USP7: variants seen among roughly 807,000 people sequenced by gnomAD.
USP7 encodes the protein ubiquitin C-terminal hydrolase 7.
Under a neutral mutation model 162.9 loss-of-function variants are expected in USP7, and 9 were observed. The observed-to-expected ratio is 0.06, with a 90% CI of 0.03 to 0.10. The LOEUF is 0.10. Ranked by LOEUF, USP7 falls within the 10% of genes least tolerant of loss-of-function variation. The pLI is 1.00. For synonymous variants in USP7, 562 were observed against 475.9 expected, an observed-to-expected ratio of 1.18 and a Z score of -2.35; for missense variants, 715 against 1,373.7, an observed-to-expected ratio of 0.52 and a Z score of 7.58.
chr16:8,898,490 T>G (rs1234849083), intron 24 of USP7, 41 bp downstream of exon 24: 2 of 1,604,626 alleles, frequency 1.2e-6, no homozygotes, highest in Admixed American at 3.4e-5. Context: ...ACCCCGAGCC[T>G]TCTCTTTATG....
chr16:8,906,370 G>A, intron 13 of USP7, 56 bp downstream of exon 13: 1 of 1,581,832 alleles, frequency 6.3e-7, no homozygotes, highest in Non-Finnish European at 8.6e-7. Context: ...GGCTGAAGCA[G>A]AGCTTGTGTT....
In USP7 at chr16:8,902,416, C is replaced by T. The variant is rs1179569842; in HGVS notation, c.1906G>A (p.Ala636Thr). Residue 636 changes from alanine to threonine, a missense_variant, in exon 17 of 31, where the codon GCA becomes ACA. Ala to Thr is a moderately conservative substitution (Grantham distance 58). Transcript: ENST00000344836. ...QARSNGTKRP[A>T]MLDNEADGNK... The stretch of plus-strand genomic sequence containing the variant: ...CCGTCGGCTTCATTATCTAACATTG[C>T]TGGTCGTTTTGTTCCATTACTCCTT... 1.9e-6 allele frequency: 3 copies of T among 1,614,060 alleles called. No homozygotes were observed. The highest frequency in any genetic ancestry group is 1.6e-4 in the Middle Eastern group (1 of 6,062).
chr16:8,938,558 A>T (rs1462007165), intron 1 of USP7, among the ~76,000 whole-genome samples: 1 of 151,868 alleles, frequency 6.6e-6, no homozygotes, highest in African/African-American at 2.4e-5. Context: ...TGAAAATACA[A>T]AAACTTAGCT....
intron 16 of USP7, 80 bp from the exon 17 acceptor site, chr16:8,902,562 T>C (rs975203543): frequency 4.7e-6 from 5 of 1,060,500 alleles, no homozygotes; most frequent in Admixed American, 4.7e-5. Flanking sequence ...CATATGTATA[T>C]ACATATACAT....
intron 1 of USP7, among the ~76,000 whole-genome samples, chr16:8,944,047 G>A (rs8049394): frequency 0.33 from 50,493 of 151,874 alleles, 10,216 homozygotes; most frequent in African/African-American, 0.57. Flanking sequence ...CCCCGTCTCT[G>A]AAATTAAAAA....
chr16:8,926,962 T>TA (rs779075201), intron 2 of USP7, among the ~76,000 whole-genome samples: 3 of 152,184 alleles, frequency 2.0e-5, no homozygotes, highest in African/African-American at 4.8e-5. Flanking sequence ...TGCACTTTGT[T>TA]ACAGCAATTT....
rs150019824 is a variant in USP7, at chr16:8,944,018, T to G, written c.80-13621A>C. ...AGTATACAGGAGTTCAAGACCAGCC[T>G]GGGCAAACATAGGGAGACCCCCGTC... On this transcript the variant is annotated intron_variant, in intron 1 of 30. Transcript: ENST00000344836. 8.3e-3 allele frequency among the ~76,000 whole-genome samples: 1,260 copies of G among 152,238 alleles called. 21 individuals carry two copies. The highest frequency in any genetic ancestry group is 0.028 in the African/African-American group (1,150 of 41,550).
intron 15 of USP7, 77 bp downstream of exon 15, chr16:8,904,358 G>T: frequency 1.9e-6 from 3 of 1,575,728 alleles, no homozygotes; most frequent in Middle Eastern, 2.3e-4. Context: ...GAGGGGTGGG[G>T]GCTGACCTGC....
At chr16:8,921,856 A>ACCATACATAC (rs1156347013) in intron 3 of USP7, among the ~76,000 whole-genome samples, 1 of 152,214 alleles carries the variant, frequency 6.6e-6, no homozygotes, top group East Asian at 1.9e-4. Context: ...AGGTTCAAAA[A>ACCATACATAC]CCATACATAC....
intron 1 of USP7, among the ~76,000 whole-genome samples, chr16:8,945,097 A>C (rs537347148): frequency 2.6e-5 from 4 of 152,312 alleles, no homozygotes; most frequent in Admixed American, 2.6e-4. Flanking sequence ...ACTAAATAAA[A>C]ATACAGAAAT....
chr16:8,928,835 A>G (rs562643211), intron 2 of USP7, among the ~76,000 whole-genome samples: 1 of 152,220 alleles, frequency 6.6e-6, no homozygotes, highest in East Asian at 1.9e-4. Context: ...AAGGAAGGGG[A>G]CTTTACCCAT....
At chr16:8,951,524 A>C (rs1467602110) in intron 1 of USP7, among the ~76,000 whole-genome samples, 1 of 152,126 alleles carries the variant, frequency 6.6e-6, no homozygotes, top group East Asian at 1.9e-4. Context: ...GCTTGGAGAG[A>C]GCCCCTGGAT....
chr16:8,912,194 G>A (rs1204628862), intron 10 of USP7, among the ~76,000 whole-genome samples: 1 of 152,200 alleles, frequency 6.6e-6, no homozygotes, highest in African/African-American at 2.4e-5. Context: ...GCTCACGCCT[G>A]TAATCCCAGC....
chr16:8,946,245 C>T (rs1899269797), intron 1 of USP7, among the ~76,000 whole-genome samples: 1 of 152,046 alleles, frequency 6.6e-6, no homozygotes, highest in Admixed American at 6.6e-5. Context: ...AATATTTGGA[C>T]ATAATACCAA....
At chr16:8,960,741 T>C (rs1280791536) in intron 1 of USP7, among the ~76,000 whole-genome samples, 2 of 152,206 alleles carry the variant, frequency 1.3e-5, no homozygotes, top group Non-Finnish European at 2.9e-5. Context: ...TCTGGCTTTT[T>C]AACAGAAGTG....
At position 8,899,766 on chromosome 16, in the gene USP7, G is replaced by A. The variant is rs762259530; in HGVS notation, c.2310-9C>T. ...CATTTTCAGGGTCATCCCTGGTGGA[G>A]GGAGAAAGTTTGCAGTCTGAATCAA... On this transcript the variant is annotated splice_polypyrimidine_tract_variant and intron_variant, in intron 21 of 30. Transcript: ENST00000344836. 1.2e-6 allele frequency: 2 copies of A among 1,614,156 alleles called. No homozygotes were observed. Among genetic ancestry groups the A allele is most frequent in the Non-Finnish European group, 1.7e-6 (2 of 1,180,014 alleles).
intron 30 of USP7, 62 bp downstream of exon 30, chr16:8,894,488 C>A (rs767139024): frequency 6.4e-6 from 10 of 1,566,022 alleles, no homozygotes; most frequent in Non-Finnish European, 8.7e-6. Flanking sequence ...CCTCCCAGCC[C>A]CAGACCACTT....
At chr16:8,898,722 C>G in intron 23 of USP7, 83 bp from the exon 24 acceptor site, 1 of 1,154,200 alleles carries the variant, frequency 8.7e-7, no homozygotes, top group Middle Eastern at 2.4e-4. Context: ...AAAAGCAAAC[C>G]GCTGGCCTTA....
At chr16:8,950,027 T>G (rs865784612) in intron 1 of USP7, among the ~76,000 whole-genome samples, 1 of 152,260 alleles carries the variant, frequency 6.6e-6, no homozygotes, top group Non-Finnish European at 1.5e-5. Flanking sequence ...AGGAGCTGCA[T>G]GTGGCAACTG....
Sources: allele counts gnomAD v4.1 joint callset (sites outside exome capture counted in the v4.1 genomes callset), GRCh38; gene constraint gnomAD v4.1.1; transcripts MANE v1.5; gene names NCBI Gene and HGNC (gene_info 2026-07-23, HGNC 2026-07-21).